CDC20B: variants seen among roughly 807,000 people sequenced by gnomAD.
CDC20B encodes cell division cycle protein 20 homolog B.
Under a neutral mutation model 64.1 loss-of-function variants are expected in CDC20B, and 58 were observed. That is an observed-to-expected ratio of 0.90 (90% CI 0.73 to 1.13). The LOEUF (loss-of-function observed/expected upper bound fraction) is 1.13, where lower values mean the gene tolerates loss of function less well. CDC20B is among the 50% of genes most tolerant of loss of function. CDC20B has a pLI of 0.00. For synonymous variants in CDC20B, 243 were observed against 230.6 expected, an observed-to-expected ratio of 1.05 and a Z score of -0.49; for missense variants, 597 against 633.0, an observed-to-expected ratio of 0.94 and a Z score of 0.61.
chr5:55,160,615 T>C, intron 2 of CDC20B: 1 of 539,094 alleles, frequency 1.9e-6, no homozygotes, highest in Non-Finnish European at 3.2e-6. Context: ...TTTAATTTTG[T>C]GCTGAATTGA....
At chr5:55,119,355 C>T (rs1196470355) in intron 11 of CDC20B, among the ~76,000 whole-genome samples, 3 of 152,134 alleles carry the variant, frequency 2.0e-5, no homozygotes, top group African/African-American at 2.4e-5. Context: ...GTTTGTAGAA[C>T]GAAGCTGAGA....
At chr5:55,136,216 G>T (rs561093195) in intron 5 of CDC20B, among the ~76,000 whole-genome samples, 114 of 151,858 alleles carry the variant, frequency 7.5e-4, no homozygotes, top group African/African-American at 2.7e-3. Context: ...AAAGTGCTGG[G>T]ATTATAGGCG....
chr5:55,140,099 G>C (rs1441514968), intron 5 of CDC20B, among the ~76,000 whole-genome samples: 6 of 152,130 alleles, frequency 3.9e-5, no homozygotes, highest in African/African-American at 1.4e-4. Flanking sequence ...AATACCAGGA[G>C]GACAGCTGGA....
In CDC20B at chr5:55,128,562, A is replaced by G; in HGVS notation, c.753T>C (p.Ser251=). The G allele has an allele frequency of 1.2e-6, 2 of 1,601,940 alleles. No individual in the cohort carries two copies. Among genetic ancestry groups the G allele is most frequent in the South Asian group, 1.1e-5 (1 of 88,056 alleles). Residue 251 remains serine (S), a synonymous_variant, in exon 7 of 12, where the codon TCT becomes TCC. Coordinates refer to ENST00000381375, the MANE Select transcript of CDC20B (RefSeq NM_001170402.1). ...TCTCCCCATTCCAGATGTATACAGCAGAGCCCAGGGCTATGGCAACAAGAT... is the reference window on the plus strand; with the variant it reads ...TCTCCCCATTCCAGATGTATACAGCGGAGCCCAGGGCTATGGCAACAAGAT... The part of the protein sequence containing the change: ...FQNLVAIALG[S]AVYIWNGENH...
chr5:55,127,235 T>A, intron 8 of CDC20B, 22 bp downstream of exon 8: 1 of 1,591,874 alleles, frequency 6.3e-7, no homozygotes, highest in South Asian at 1.1e-5. Flanking sequence ...AACATAACTG[T>A]CTCCAACAAG....
chr5:55,148,633 T>C (rs1743570694), intron 2 of CDC20B, among the ~76,000 whole-genome samples: 1 of 152,162 alleles, frequency 6.6e-6, no homozygotes, highest in African/African-American at 2.4e-5. Context: ...GAGGATTGCT[T>C]GCTGCAGTGA....
intron 2 of CDC20B, among the ~76,000 whole-genome samples, chr5:55,170,222 C>T (rs1174523411): frequency 2.0e-5 from 3 of 152,056 alleles, no homozygotes; most frequent in Non-Finnish European, 2.9e-5. Context: ...CATTCTAAAC[C>T]TTATAGTTAA....
At chr5:55,143,423 G>A (rs1013091259) in intron 4 of CDC20B, 90 bp downstream of exon 4, 3 of 1,319,320 alleles carry the variant, frequency 2.3e-6, no homozygotes, top group South Asian at 1.9e-5. Flanking sequence ...TGATTGGTAA[G>A]AGAACTAAGC....
Position 55,119,907 on chromosome 5 carries a change from T to G in CDC20B, c.1353A>C (p.Leu451Phe). 1 of 1,607,102 alleles carries G rather than the reference T, an allele frequency of 6.2e-7. No individual in the cohort carries two copies. Among genetic ancestry groups the G allele is most frequent in the Non-Finnish European group, 8.5e-7 (1 of 1,173,608 alleles). ...TCTCCTTTGTCTTAGGTAGCCAGAT[T>G]AAGGAACAAATCTGTAATAATGATC... ...TPSTNSQICS[L>F]IWLPKTKEIA... is the part of the protein sequence containing the mutation. The change falls in exon 11 of 12, where the codon TTA becomes TTC. Residue 451 changes from leucine (L) to phenylalanine (F), a missense_variant. Transcript: ENST00000381375.
intron 2 of CDC20B, chr5:55,165,164 TC>T (rs1158944309): frequency 6.6e-6 from 1 of 152,128 alleles, no homozygotes; most frequent in African/African-American, 2.4e-5. Flanking sequence ...AAAAGTCAAC[TC>T]CAAACAGCCT....
chr5:55,125,150 G>A (rs1742853846), intron 8 of CDC20B, 122 bp from the exon 9 acceptor site: 8 of 685,932 alleles, frequency 1.2e-5, no homozygotes, highest in Admixed American at 2.7e-5. Flanking sequence ...CAAAACACAG[G>A]TGGAGATTCC....
At chr5:55,138,867 G>T (rs1199183121) in intron 5 of CDC20B, among the ~76,000 whole-genome samples, 1 of 151,848 alleles carries the variant, frequency 6.6e-6, no homozygotes, top group Admixed American at 6.6e-5. Context: ...AAATAAAAAA[G>T]TGAGATGAAA....
rs1313950476 is a variant in CDC20B at position 55,161,152 on chromosome 5, A to G, written c.126+11436T>C. 5 of 1,614,218 alleles carry G rather than the reference A, an allele frequency of 3.1e-6. No homozygotes were observed. In the South Asian group the frequency reaches 5.5e-5, roughly 18 times the overall value. ...AATCGGAGCCCCGCCCAAGCAAGGA[A>G]GTAGAATCTTTTGCAAGAAAAAACT... is the stretch of plus-strand genomic sequence containing the variant. On this transcript the variant is annotated intron_variant, in intron 2 of 11. Coordinates refer to ENST00000381375, the MANE Select transcript of CDC20B (RefSeq NM_001170402.1).
At chr5:55,140,131 T>G (rs569562029) in intron 5 of CDC20B, among the ~76,000 whole-genome samples, 183 bp downstream of exon 5, 50 of 152,138 alleles carry the variant, frequency 3.3e-4, no homozygotes, top group Non-Finnish European at 6.3e-4. Context: ...TGGTCACCTA[T>G]AGAGAATGGG....
chr5:55,161,179 C>T, intron 2 of CDC20B: 4 of 1,614,058 alleles, frequency 2.5e-6, no homozygotes, highest in Middle Eastern at 1.6e-4. Context: ...GAAAAAACTA[C>T]GGAGTAACTT....
intron 2 of CDC20B, chr5:55,164,087 TG>T: frequency 6.3e-7 from 1 of 1,595,164 alleles, no homozygotes. Context: ...GTGGAATTTT[TG>T]GAAGTATCTT....
chr5:55,160,013 G>T, intron 2 of CDC20B: 1 of 580,140 alleles, frequency 1.7e-6, no homozygotes, highest in Non-Finnish European at 3.1e-6. Flanking sequence ...ATTCTGTAGA[G>T]CTCCTTGCTT....
chr5:55,122,395 C>T (rs1272046283), intron 9 of CDC20B, among the ~76,000 whole-genome samples: 2 of 152,032 alleles, frequency 1.3e-5, no homozygotes, highest in Admixed American at 6.6e-5. Context: ...CCTCAGCCTC[C>T]CAAAGTGCTG....
At chr5:55,164,168 A>G in intron 2 of CDC20B, 1 of 1,596,416 alleles carries the variant, frequency 6.3e-7, no homozygotes, top group South Asian at 1.1e-5. Context: ...CAGGCCTGAC[A>G]TAGCAGCTCT....
Sources: gnomAD v4.1 joint callset for allele counts (sites outside exome capture counted in the v4.1 genomes callset) on GRCh38, gnomAD v4.1.1 for gene constraint, MANE v1.5 for transcripts, NCBI Gene and HGNC (gene_info 2026-07-23, HGNC 2026-07-21) for gene names.